LCLAT1: variants seen among roughly 807,000 people sequenced by gnomAD.
LCLAT1 encodes 1-AGP acyltransferase 8.
A neutral mutation model predicts 30.7 loss-of-function variants in LCLAT1; 11 were observed. The ratio of observed to expected loss-of-function variants is 0.36; its 90% CI spans 0.23 to 0.59. The LOEUF (loss-of-function observed/expected upper bound fraction) is 0.59. Ranked by LOEUF, LCLAT1 falls within the 20% of genes least tolerant of loss-of-function variation. The pLI, the probability that LCLAT1 is intolerant of heterozygous loss-of-function variation, is 0.77. For missense variants in LCLAT1, 402 were observed against 458.6 expected (o/e 0.88, Z 1.13); for synonymous variants, 155 against 151.3 (o/e 1.02, Z -0.18).
intron 5 of LCLAT1, among the ~76,000 whole-genome samples, chr2:30,600,239 A>C (rs1390887868): frequency 6.6e-6 from 1 of 152,186 alleles, no homozygotes; most frequent in Non-Finnish European, 1.5e-5. Context: ...ACTACATGGA[A>C]ATTGAACAAC....
intron 1 of LCLAT1, among the ~76,000 whole-genome samples, chr2:30,483,108 C>CA (rs1394922789): frequency 6.6e-6 from 1 of 152,104 alleles, no homozygotes; most frequent in African/African-American, 2.4e-5. Context: ...TTAGTTGTGA[C>CA]AAATGTATCT....
chr2:30,638,831 A>G (rs1161399072), intron 5 of LCLAT1, among the ~76,000 whole-genome samples: 2 of 100,156 alleles, frequency 2.0e-5, no homozygotes, highest in Non-Finnish European at 3.7e-5. Context: ...CGTCTCCCAC[A>G]TCCAGTTGGC....
At chr2:30,591,200 A>G (rs1331825508) in intron 5 of LCLAT1, among the ~76,000 whole-genome samples, 1 of 152,150 alleles carries the variant, frequency 6.6e-6, no homozygotes, top group African/African-American at 2.4e-5. Flanking sequence ...ATTGAGGAAA[A>G]TAATGTTACT....
intron 3 of LCLAT1, among the ~76,000 whole-genome samples, chr2:30,540,918 C>T (rs925413450): frequency 1.2e-4 from 18 of 152,146 alleles, no homozygotes; most frequent in African/African-American, 4.3e-4. Flanking sequence ...CTGCCTTAGC[C>T]TCCCAAAGTG....
intron 5 of LCLAT1, chr2:30,607,298 A>C (rs1057067840): frequency 3.9e-5 from 6 of 152,106 alleles, no homozygotes; most frequent in Non-Finnish European, 7.3e-5. Flanking sequence ...AGCTTCCCAA[A>C]GTGCTGGGAT....
chr2:30,574,971 G>A (rs1665932533), intron 5 of LCLAT1, among the ~76,000 whole-genome samples: 1 of 152,102 alleles, frequency 6.6e-6, no homozygotes, highest in African/African-American at 2.4e-5. Context: ...CATAGTAAGT[G>A]GACCATTGTT....
At chr2:30,473,274 A>T (rs966496483) in intron 1 of LCLAT1, among the ~76,000 whole-genome samples, 4 of 152,286 alleles carry the variant, frequency 2.6e-5, no homozygotes, top group Middle Eastern at 3.4e-3. Context: ...GTGTGTATAC[A>T]TATATATAAA....
In LCLAT1 at chr2:30,640,209, A is replaced by G; in HGVS notation, c.721A>G (p.Arg241Gly). ...GCACCTCCTCCAAGGAGACTTTCCC[A>G]GGGAAATCCACTTTCACGTCCACCG... ...EKHLLQGDFP[R>G]EIHFHVHRYP... The change falls in exon 6 of 6, where the codon AGG becomes GGG. Residue 241 changes from arginine (R) to glycine (G), a missense_variant. Arg to Gly is a moderately radical substitution (Grantham distance 125). Coordinates refer to ENST00000379509, the MANE Select transcript of LCLAT1 (RefSeq NM_001002257.3). 2 of 1,614,130 alleles carry G rather than the reference A, an allele frequency of 1.2e-6. No homozygotes were observed. Among genetic ancestry groups the G allele is most frequent in the Non-Finnish European group, 1.7e-6 (2 of 1,179,964 alleles).
intron 1 of LCLAT1, among the ~76,000 whole-genome samples, chr2:30,523,078 C>T (rs577477771): frequency 1.3e-5 from 2 of 151,642 alleles, no homozygotes; most frequent in African/African-American, 4.8e-5. Context: ...TGAAGTGTAG[C>T]TCTGCAGGGA....
At chr2:30,563,168 C>A (rs58942696) in intron 4 of LCLAT1, among the ~76,000 whole-genome samples, 14,657 of 151,940 alleles carry the variant, frequency 0.096, 1,397 homozygotes, top group African/African-American at 0.25. Context: ...GGGACTGCAC[C>A]CGATACTACC....
At chr2:30,568,864 C>CAAAAAAAAAAAAAA (rs61325694) in intron 5 of LCLAT1, among the ~76,000 whole-genome samples, 38 of 89,054 alleles carry the variant, frequency 4.3e-4, no homozygotes, top group Non-Finnish European at 4.8e-4. Flanking sequence ...TCATGAATAG[C>CAAAAAAAAAAAAAA]AAAAAAAAAA....
chr2:30,471,079 A>C (rs1247234399), intron 1 of LCLAT1, among the ~76,000 whole-genome samples: 3 of 148,526 alleles, frequency 2.0e-5, no homozygotes, highest in Non-Finnish European at 4.5e-5. Context: ...CGCCTGGCTA[A>C]TTTTTTGTAT....
Position 30,596,146 on chromosome 2 carries a change from G to C in LCLAT1, c.628+27970G>C, listed in dbSNP as rs115906922. On this transcript the variant is annotated intron_variant, in intron 5 of 5. Coordinates refer to ENST00000379509, the MANE Select transcript of LCLAT1 (RefSeq NM_001002257.3). The stretch of plus-strand genomic sequence containing the variant: ...TAATAGAATGATTTATGTTCCATTG[G>C]GTATATACCGAGTAGTGGGATTGCT... Among the ~76,000 whole-genome samples, 938 of 152,190 alleles carry C rather than the reference G, an allele frequency of 6.2e-3. 8 individuals are homozygous for C. The highest frequency in any genetic ancestry group is 0.01 in the Middle Eastern group (3 of 294).
At chr2:30,592,967 G>A (rs1666763143) in intron 5 of LCLAT1, among the ~76,000 whole-genome samples, 1 of 152,028 alleles carries the variant, frequency 6.6e-6, no homozygotes, top group South Asian at 2.1e-4. Context: ...TTAAATATAT[G>A]CAATACATTA....
At chr2:30,455,260 A>G (rs1323339455) in intron 1 of LCLAT1, among the ~76,000 whole-genome samples, 4 of 152,252 alleles carry the variant, frequency 2.6e-5, no homozygotes, top group Admixed American at 2.0e-4. Context: ...ACTTCAGACT[A>G]GTCAAATATG....
chr2:30,463,121 A>G (rs1682247042), intron 1 of LCLAT1, among the ~76,000 whole-genome samples: 1 of 152,028 alleles, frequency 6.6e-6, no homozygotes, highest in South Asian at 2.1e-4. Flanking sequence ...GTCAACTTGA[A>G]TGCTATATAA....
intron 5 of LCLAT1, among the ~76,000 whole-genome samples, chr2:30,621,246 A>G (rs905395269): frequency 2.8e-4 from 42 of 152,312 alleles, no homozygotes; most frequent in African/African-American, 9.6e-4. Context: ...TACTACTACA[A>G]TGAATGTTTT....
intron 1 of LCLAT1, among the ~76,000 whole-genome samples, chr2:30,453,617 A>G (rs183018556): frequency 7.9e-5 from 12 of 152,340 alleles, no homozygotes; most frequent in Non-Finnish European, 1.0e-4. Flanking sequence ...ATGGGGACAG[A>G]GTTAAATAAG....
intron 2 of LCLAT1, among the ~76,000 whole-genome samples, chr2:30,528,415 G>T (rs1024824192): frequency 4.6e-5 from 7 of 152,186 alleles, no homozygotes; most frequent in African/African-American, 1.7e-4. Flanking sequence ...ATGCACTAAG[G>T]TAAGGGAAGA....
Sources: allele counts gnomAD v4.1 joint callset (sites outside exome capture counted in the v4.1 genomes callset), GRCh38; gene constraint gnomAD v4.1.1; transcripts MANE v1.5; gene names NCBI Gene and HGNC (gene_info 2026-07-23, HGNC 2026-07-21).